DLG2: variants seen among roughly 807,000 people sequenced by gnomAD.
DLG2 encodes the protein disks large homolog 2.
Under a neutral mutation model 132.5 loss-of-function variants are expected in DLG2, and 45 were observed. That is an observed-to-expected ratio of 0.34 (90% confidence interval 0.27 to 0.44). The LOEUF (loss-of-function observed/expected upper bound fraction) is 0.44, where lower values mean the gene tolerates loss of function less well. DLG2 is among the 20% of genes least tolerant of loss of function. DLG2 has a pLI of 1.00. For synonymous variants in DLG2, 424 were observed against 419.6 expected, an observed-to-expected ratio of 1.01 and a Z score of -0.13; for missense variants, 1,045 against 1,196.9, an observed-to-expected ratio of 0.87 and a Z score of 1.87.
At chr11:83,490,045 C>G (rs879354250) in intron 21 of DLG2, among the ~76,000 whole-genome samples, 11 of 152,104 alleles carry the variant, frequency 7.2e-5, no homozygotes, top group Admixed American at 6.6e-4. Flanking sequence ...CAGCAAAATG[C>G]ACATTCACTA....
At chr11:84,696,103 T>C (rs1039537506) in intron 6 of DLG2, among the ~76,000 whole-genome samples, 35 of 151,424 alleles carry the variant, frequency 2.3e-4, no homozygotes, top group Admixed American at 6.6e-5. Flanking sequence ...CAAAATAAAA[T>C]TGAATAAGTA....
At chr11:84,940,902 G>T (rs2154097357) in intron 6 of DLG2, among the ~76,000 whole-genome samples, 1 of 152,250 alleles carries the variant, frequency 6.6e-6, no homozygotes, top group South Asian at 2.1e-4. Context: ...ATTGCCTTTT[G>T]TATATAGTAA....
At chr11:84,717,797 T>C (rs1233437142) in intron 6 of DLG2, among the ~76,000 whole-genome samples, 1 of 152,098 alleles carries the variant, frequency 6.6e-6, no homozygotes, top group Non-Finnish European at 1.5e-5. Context: ...GCAACAATCA[T>C]TTGATGAATT....
intron 6 of DLG2, among the ~76,000 whole-genome samples, chr11:84,966,714 C>T (rs757270715): frequency 4.0e-5 from 6 of 151,888 alleles, no homozygotes; most frequent in Non-Finnish European, 5.9e-5. Context: ...ATGGTCTTTC[C>T]GAAGATTTAT....
At chr11:83,813,009 C>G (rs977284420) in intron 17 of DLG2, among the ~76,000 whole-genome samples, 1 of 152,124 alleles carries the variant, frequency 6.6e-6, no homozygotes, top group Non-Finnish European at 1.5e-5. Flanking sequence ...GATGGGTGCT[C>G]TATACCCCTT....
intron 3 of DLG2, among the ~76,000 whole-genome samples, chr11:85,444,016 A>G (rs1225204874): frequency 6.6e-6 from 1 of 152,218 alleles, no homozygotes; most frequent in Non-Finnish European, 1.5e-5. Context: ...CAATTTTTAA[A>G]TATTCACCAA....
chr11:85,582,660 CA>C (rs59452629), intron 3 of DLG2, among the ~76,000 whole-genome samples: 14 of 27,126 alleles, frequency 5.2e-4, no homozygotes, highest in Non-Finnish European at 7.2e-4. Context: ...CCCATCTCTA[CA>C]AAAAAAAAAA....
chr11:83,946,737 A>G (rs577627912), intron 14 of DLG2, among the ~76,000 whole-genome samples: 1 of 152,322 alleles, frequency 6.6e-6, no homozygotes, highest in East Asian at 1.9e-4. Flanking sequence ...TGGCGAATAC[A>G]CACACGTGCA....
chr11:84,460,859 T>C (rs1354013667), intron 7 of DLG2, among the ~76,000 whole-genome samples: 1 of 150,820 alleles, frequency 6.6e-6, no homozygotes, highest in African/African-American at 2.4e-5. Flanking sequence ...GTGAAGCTGA[T>C]CAAGTAAAGC....
At chr11:84,188,154 A>G (rs1456772080) in intron 8 of DLG2, among the ~76,000 whole-genome samples, 2 of 152,150 alleles carry the variant, frequency 1.3e-5, no homozygotes, top group African/African-American at 4.8e-5. Context: ...TAGTTTTAGC[A>G]ACCTTGAGGG....
rs117209183 is a variant in DLG2, at chr11:84,683,013, G to C, written c.358-148282C>G. On this transcript the variant is annotated intron_variant, in intron 6 of 27. Transcript: ENST00000376104. ...TAAATAGCTACTGAAGACCAAATTA[G>C]TTTACAGAATTTGTGGTGGGGTCTC... is the stretch of plus-strand genomic sequence containing the variant. Among the ~76,000 whole-genome samples, 1,522 of 152,228 alleles carry C rather than the reference G, an allele frequency of 1.0e-2. 11 individuals are homozygous for C. The highest frequency in any genetic ancestry group is 0.027 in the South Asian group (129 of 4,820).
intron 7 of DLG2, among the ~76,000 whole-genome samples, chr11:84,273,594 G>A (rs781042095): frequency 2.6e-5 from 4 of 152,068 alleles, no homozygotes; most frequent in Non-Finnish European, 5.9e-5. Flanking sequence ...GAAGAAGAGA[G>A]ATGTGAAAAA....
At chr11:83,875,715 A>C (rs1252429254) in intron 15 of DLG2, among the ~76,000 whole-genome samples, 2 of 152,182 alleles carry the variant, frequency 1.3e-5, no homozygotes, top group South Asian at 4.1e-4. Context: ...GTATATATAC[A>C]TATATGTATA....
chr11:85,400,716 G>C (rs1175802312), intron 3 of DLG2, among the ~76,000 whole-genome samples: 1 of 150,166 alleles, frequency 6.7e-6, no homozygotes, highest in Non-Finnish European at 1.5e-5. Flanking sequence ...CTCACTCATA[G>C]ATGGGAATTG....
intron 19 of DLG2, among the ~76,000 whole-genome samples, chr11:83,553,012 G>A (rs1325219706): frequency 6.6e-6 from 1 of 152,114 alleles, no homozygotes; most frequent in East Asian, 1.9e-4. Flanking sequence ...TTTATCTGTA[G>A]GTGTATCTTT....
chr11:84,650,335 C>A (rs1463452732), intron 6 of DLG2, among the ~76,000 whole-genome samples: 1 of 152,170 alleles, frequency 6.6e-6, no homozygotes, highest in East Asian at 1.9e-4. Flanking sequence ...TGAAAAGAAC[C>A]TTCTCTCTCT....
chr11:85,144,593 T>G (rs1338569138), intron 5 of DLG2, among the ~76,000 whole-genome samples: 2 of 151,922 alleles, frequency 1.3e-5, no homozygotes, highest in Non-Finnish European at 2.9e-5. Context: ...TGTTGTGGGT[T>G]TTTTGATCCG....
chr11:84,008,390 G>T (rs951898140), intron 11 of DLG2, among the ~76,000 whole-genome samples: 3 of 151,918 alleles, frequency 2.0e-5, no homozygotes, highest in African/African-American at 7.2e-5. Flanking sequence ...AAATGTAACA[G>T]AATGTATGAA....
At chr11:85,015,267 G>C (rs564462498) in intron 6 of DLG2, among the ~76,000 whole-genome samples, 2 of 152,050 alleles carry the variant, frequency 1.3e-5, no homozygotes, top group Non-Finnish European at 2.9e-5. Context: ...TTTAGGTTAA[G>C]TTTATACTTC....
Sources: gnomAD v4.1 joint callset for allele counts (sites outside exome capture counted in the v4.1 genomes callset) on GRCh38, gnomAD v4.1.1 for gene constraint, MANE v1.5 for transcripts, NCBI Gene and HGNC (gene_info 2026-07-23, HGNC 2026-07-21) for gene names.